Variants in CHCHD6 observed in about 807,000 individuals in gnomAD.
CHCHD6 encodes the protein MICOS complex subunit MIC25.
CHCHD6 carries 28 observed loss-of-function variants against 32.3 expected under a neutral mutation model. That is an observed-to-expected ratio of 0.87 (90% CI 0.64 to 1.19). The LOEUF is 1.19. Among genes scored for constraint, CHCHD6 ranks in the 50% most tolerant of loss-of-function variants. CHCHD6 has a pLI of 0.00. For missense variants in CHCHD6, 333 were observed against 307.0 expected (o/e 1.08, Z -0.63); for synonymous variants, 122 against 117.5 (o/e 1.04, Z -0.25).
chr3:126,938,062 C>G (rs2078507506), intron 6 of CHCHD6, among the ~76,000 whole-genome samples: 1 of 152,152 alleles, frequency 6.6e-6, no homozygotes, highest in African/African-American at 2.4e-5. Flanking sequence ...AGTTACAACC[C>G]CAGGAATCCT....
intron 5 of CHCHD6, among the ~76,000 whole-genome samples, chr3:126,881,066 A>AC (rs748592162): frequency 3.3e-5 from 5 of 152,250 alleles, no homozygotes; most frequent in Non-Finnish European, 7.3e-5. Flanking sequence ...AGAACTGCCG[A>AC]CCTGTATGGG....
At position 126,952,594 on chromosome 3, in the gene CHCHD6, G is replaced by A. The variant is rs138788722; in HGVS notation, c.567-4822G>A. Among the ~76,000 whole-genome samples the A allele has an allele frequency of 8.2e-3, 1,252 of 152,316 alleles. 4 individuals carry two copies. The highest frequency in any genetic ancestry group is 0.014 in the Non-Finnish European group (954 of 68,030). ...AGCTGAGCAGTGAGGCTCGGCATGG[G>A]GCCCAGGGGAGTGGGGCAGGGGGAG... On this transcript the variant is annotated intron_variant, in intron 6 of 7. Transcript: ENST00000290913.
At chr3:126,739,379 A>G (rs1211176868) in intron 4 of CHCHD6, among the ~76,000 whole-genome samples, 2 of 152,236 alleles carry the variant, frequency 1.3e-5, no homozygotes, top group Non-Finnish European at 2.9e-5. Flanking sequence ...TAAAAAATGT[A>G]AAAACCATAC....
chr3:126,837,297 G>A (rs949464386), intron 4 of CHCHD6, among the ~76,000 whole-genome samples: 5 of 152,100 alleles, frequency 3.3e-5, no homozygotes, highest in South Asian at 2.1e-4. Context: ...GGGTGTGGTG[G>A]CTCACCCTGT....
intron 5 of CHCHD6, among the ~76,000 whole-genome samples, chr3:126,864,085 T>A (rs1156861637): frequency 1.4e-5 from 2 of 141,812 alleles, no homozygotes; most frequent in African/African-American, 5.4e-5. Context: ...AATCACCACC[T>A]CCTCCACCAC....
intron 4 of CHCHD6, among the ~76,000 whole-genome samples, chr3:126,764,483 A>G (rs1451648971): frequency 6.6e-6 from 1 of 152,080 alleles, no homozygotes; most frequent in Non-Finnish European, 1.5e-5. Context: ...TCATTTTTTA[A>G]TTTAAGCCAA....
At chr3:126,731,451 C>T (rs1045421695) in intron 3 of CHCHD6, among the ~76,000 whole-genome samples, 1 of 152,164 alleles carries the variant, frequency 6.6e-6, no homozygotes, top group African/African-American at 2.4e-5. Context: ...AATATCACTG[C>T]ATCTAAGAAG....
intron 4 of CHCHD6, among the ~76,000 whole-genome samples, chr3:126,748,561 C>T (rs893255960): frequency 6.7e-6 from 1 of 148,920 alleles, no homozygotes; most frequent in South Asian, 2.1e-4. Flanking sequence ...TGCCACTGCA[C>T]TCTAGCCTGG....
intron 4 of CHCHD6, among the ~76,000 whole-genome samples, chr3:126,817,827 C>T (rs544161709): frequency 5.9e-5 from 9 of 152,270 alleles, no homozygotes; most frequent in African/African-American, 2.2e-4. Context: ...TGCTGTCAGC[C>T]CTGAATGTCT....
intron 1 of CHCHD6, among the ~76,000 whole-genome samples, chr3:126,713,572 G>A (rs1189717850): frequency 6.6e-6 from 1 of 152,132 alleles, no homozygotes; most frequent in Non-Finnish European, 1.5e-5. Context: ...CCTTCAGAAG[G>A]AGCCTTTGGT....
intron 1 of CHCHD6, among the ~76,000 whole-genome samples, chr3:126,705,278 CTTGTTTAT>C (rs1934427394): frequency 6.6e-6 from 1 of 152,174 alleles, no homozygotes; most frequent in African/African-American, 2.4e-5. Context: ...TAATTGTTTA[CTTGTTTAT>C]TGCGTTTACT....
At chr3:126,902,796 C>T (rs917097222) in intron 5 of CHCHD6, among the ~76,000 whole-genome samples, 1 of 151,856 alleles carries the variant, frequency 6.6e-6, no homozygotes, top group African/African-American at 2.4e-5. Context: ...CCATGCTCCT[C>T]GGACCTCACA....
At chr3:126,881,333 G>C (rs1432732569) in intron 5 of CHCHD6, among the ~76,000 whole-genome samples, 1 of 152,192 alleles carries the variant, frequency 6.6e-6, no homozygotes, top group Non-Finnish European at 1.5e-5. Context: ...TGCCTCTCTT[G>C]GGGTCCTGGT....
chr3:126,780,347 A>G (rs1937875128), intron 4 of CHCHD6: 1 of 438,598 alleles, frequency 2.3e-6, no homozygotes, highest in Non-Finnish European at 4.5e-6. Flanking sequence ...CAGATAATAC[A>G]TTGACATGAT....
At position 126,886,512 on chromosome 3, in the gene CHCHD6, C is replaced by G. The variant is rs538938093; in HGVS notation, c.496-28168C>G. On this transcript the variant is annotated intron_variant, in intron 5 of 7. Transcript: ENST00000290913. ...GTAGCAGTGCTTACGTTCACCTAAC[C>G]CTATTTTACTTTGTAATGGCTTCAG... is the stretch of plus-strand genomic sequence containing the variant. Among the ~76,000 whole-genome samples, 3 of 152,284 alleles carry G rather than the reference C, an allele frequency of 2.0e-5. No homozygotes were observed. In the South Asian group the frequency reaches 6.2e-4, roughly 32 times the overall value.
chr3:126,704,672 G>A (rs1324564653), intron 1 of CHCHD6, among the ~76,000 whole-genome samples: 1 of 152,150 alleles, frequency 6.6e-6, no homozygotes, highest in Non-Finnish European at 1.5e-5. Flanking sequence ...GCCACGTCCT[G>A]GCTCCGGTCG....
rs199963599 is a variant in CHCHD6 at position 126,957,557 on chromosome 3, G to T, written c.702+6G>T. On this transcript the variant is annotated splice_donor_region_variant and intron_variant, in intron 7 of 7. Coordinates refer to ENST00000290913, the MANE Select transcript of CHCHD6 (RefSeq NM_032343.3). ...GCGTGAGCGCCGCCCACAAGGTAAGGCCTTGCCTGCCTCCCAGGTTTCCAA... is the reference window on the plus strand; with the variant it reads ...GCGTGAGCGCCGCCCACAAGGTAAGTCCTTGCCTGCCTCCCAGGTTTCCAA... 1.9e-6 allele frequency: 3 copies of T among 1,557,736 alleles called. No homozygotes were observed. Among genetic ancestry groups the T allele is most frequent in the Non-Finnish European group, 8.7e-7 (1 of 1,151,102 alleles).
At chr3:126,786,964 C>T (rs550560128) in intron 4 of CHCHD6, among the ~76,000 whole-genome samples, 76 of 152,180 alleles carry the variant, frequency 5.0e-4, no homozygotes, top group South Asian at 6.2e-4. Context: ...TTAGGTCTAA[C>T]ATTTAAGTCT....
At chr3:126,801,810 C>T (rs574816971) in intron 4 of CHCHD6, among the ~76,000 whole-genome samples, 26 of 152,240 alleles carry the variant, frequency 1.7e-4, no homozygotes, top group Non-Finnish European at 3.4e-4. Flanking sequence ...TGTGAGGCAA[C>T]CCCCAGTAGG....
Sources: allele counts gnomAD v4.1 joint callset (sites outside exome capture counted in the v4.1 genomes callset), GRCh38; gene constraint gnomAD v4.1.1; transcripts MANE v1.5; gene names NCBI Gene and HGNC (gene_info 2026-07-23, HGNC 2026-07-21).